The following EML1 variants were observed in gnomAD, a reference collection of about 807,000 sequenced individuals.
EML1 encodes the protein EMAP like 1.
A neutral mutation model predicts 110.4 loss-of-function variants in EML1; 27 were observed. The observed-to-expected ratio is 0.24, with a 90% CI of 0.18 to 0.34. The LOEUF (loss-of-function observed/expected upper bound fraction) is 0.34, where lower values mean the gene tolerates loss of function less well. EML1 is among the 10% of genes least tolerant of loss of function. The pLI, the probability that EML1 is intolerant of heterozygous loss-of-function variation, is 1.00. For synonymous variants in EML1, 344 were observed against 385.8 expected (o/e 0.89, Z 1.27); for missense variants, 741 against 1,030.9 (o/e 0.72, Z 3.85).
intron 11 of EML1, among the ~76,000 whole-genome samples, chr14:99,910,018 G>A (rs2059920638): frequency 6.6e-6 from 1 of 152,032 alleles, no homozygotes; most frequent in Admixed American, 6.6e-5. Flanking sequence ...CAGCCACTTG[G>A]GGTTGCTAGA....
intron 1 of EML1, among the ~76,000 whole-genome samples, chr14:99,812,030 G>A (rs558593046): frequency 3.4e-4 from 51 of 151,886 alleles, no homozygotes; most frequent in African/African-American, 1.0e-3. Flanking sequence ...GTGGATCTGC[G>A]CAGTTGAAAC....
At position 99,878,603 on chromosome 14, in the gene EML1, A is replaced by C; in HGVS notation, c.502A>C (p.Lys168Gln). The stretch of plus-strand genomic sequence containing the variant: ...CTCCACCAGCAGCTCTTCCAGTGGC[A>C]AAAAGAACAGTGAAAGGTAAGGACG... Reference protein sequence around the residue: ...TGSTSSSSSGKKNSESKPKEP... With the variant: ...TGSTSSSSSGQKNSESKPKEP... The change falls in exon 4 of 22, where the codon AAA (lysine) becomes CAA (glutamine). Residue 168 changes from lysine (K) to glutamine (Q), a missense_variant. Physicochemically the swap from Lys to Gln is moderately conservative, Grantham distance 53. Transcript: ENST00000262233. 6.2e-7 allele frequency: 1 copy of C among 1,613,754 alleles called. No homozygotes were observed. The highest frequency in any genetic ancestry group is 8.5e-7 in the Non-Finnish European group (1 of 1,179,868).
At chr14:99,793,241 C>G (rs1053100736), upstream of EML1, 41 of 737,296 alleles carry the variant, frequency 5.6e-5, no homozygotes, top group Non-Finnish European at 5.9e-5. Flanking sequence ...GTCCCCCTCC[C>G]GGCCCGGGCC....
intron 1 of EML1, among the ~76,000 whole-genome samples, chr14:99,749,072 T>A (rs533489109): frequency 5.9e-4 from 90 of 152,306 alleles, no homozygotes; most frequent in Admixed American, 2.4e-3. Context: ...GGACGGGCAT[T>A]TGGGTTATTT....
At chr14:99,747,623 C>A in intron 1 of EML1, among the ~76,000 whole-genome samples, 1 of 152,338 alleles carries the variant, frequency 6.6e-6, no homozygotes, top group East Asian at 1.9e-4. Flanking sequence ...CAGGTCTGCA[C>A]TGCACCAGGG....
At chr14:99,782,986 T>TTATA (rs71464630) in intron 1 of EML1, among the ~76,000 whole-genome samples, 32 of 150,794 alleles carry the variant, frequency 2.1e-4, no homozygotes, top group East Asian at 3.9e-4. Context: ...TCTAAATCGT[T>TTATA]TATATATATA....
chr14:99,857,884 A>G (rs1489651817), intron 2 of EML1, among the ~76,000 whole-genome samples: 1 of 152,114 alleles, frequency 6.6e-6, no homozygotes, highest in Non-Finnish European at 1.5e-5. Flanking sequence ...CCCCATTTAT[A>G]TTTCTATTAT....
intron 1 of EML1, among the ~76,000 whole-genome samples, chr14:99,817,238 G>A (rs902128201): frequency 1.1e-4 from 16 of 152,204 alleles, no homozygotes; most frequent in African/African-American, 3.6e-4. Context: ...TTGTCCATCA[G>A]TTGTTCTTTC....
At chr14:99,922,342 C>T (rs555941523) in intron 17 of EML1, among the ~76,000 whole-genome samples, 7 of 152,274 alleles carry the variant, frequency 4.6e-5, no homozygotes, top group African/African-American at 1.7e-4. Context: ...TCTCAAACTC[C>T]TGACCTCAGG....
intron 1 of EML1, among the ~76,000 whole-genome samples, chr14:99,820,794 G>C (rs2058248368): frequency 6.6e-6 from 1 of 152,052 alleles, no homozygotes; most frequent in Non-Finnish European, 1.5e-5. Context: ...GAACTGAAGT[G>C]CCTCCACTAC....
rs113093008 is a variant in EML1 at position 99,748,186 on chromosome 14, G to A, written c.28+10326G>A. Reference sequence around the variant, plus strand: ...AAGAGCCTGTCACAGGGATGGCATCGCTGCTCTGGGAAAGCCCCTGCCCGC... The same window carrying A: ...AAGAGCCTGTCACAGGGATGGCATCACTGCTCTGGGAAAGCCCCTGCCCGC... On this transcript the variant is annotated intron_variant, in intron 1 of 10. Coordinates refer to the EML1 transcript ENST00000554479. Among the ~76,000 whole-genome samples the A allele has an allele frequency of 1.9e-3, 283 of 152,230 alleles. 2 individuals are homozygous for A. Among genetic ancestry groups the A allele is most frequent in the African/African-American group, 6.5e-3 (272 of 41,558 alleles).
At position 99,742,030 on chromosome 14, in the gene EML1, C is replaced by T. The variant is rs1006381962; in HGVS notation, c.28+4170C>T. ...TGAGTGACCCAGGGCAGCCCTCCTTCGTGTGTGACCTCAGAGAGGTTAAGT... is the reference window on the plus strand; with the variant it reads ...TGAGTGACCCAGGGCAGCCCTCCTTTGTGTGTGACCTCAGAGAGGTTAAGT... On this transcript the variant is annotated intron_variant, in intron 1 of 10. Coordinates refer to the EML1 transcript ENST00000554479. Among the ~76,000 whole-genome samples, 7 of 152,176 alleles carry T rather than the reference C, an allele frequency of 4.6e-5. No individual in the cohort carries two copies. The East Asian group carries it at 5.8e-4, about 13-fold the overall frequency.
intron 1 of EML1, among the ~76,000 whole-genome samples, chr14:99,833,365 T>C (rs776380491): frequency 1.3e-5 from 2 of 152,230 alleles, no homozygotes; most frequent in Non-Finnish European, 2.9e-5. Flanking sequence ...TCTGTTGATC[T>C]GTTTACACCA....
chr14:99,764,043 C>G (rs1213361437), intron 1 of EML1, among the ~76,000 whole-genome samples: 2 of 152,204 alleles, frequency 1.3e-5, no homozygotes, highest in African/African-American at 4.8e-5. Flanking sequence ...GAGGAGGAGA[C>G]AGTTGGCTGC....
In EML1 at chr14:99,939,651, C is replaced by T. The variant is rs576859708; in HGVS notation, c.2322+324C>T. ...CCCTGGGACGCCCTTCTTCATCCTCCGTGATCCTGACCCTGGAGACCCCTC... is the reference window on the plus strand; with the variant it reads ...CCCTGGGACGCCCTTCTTCATCCTCTGTGATCCTGACCCTGGAGACCCCTC... On this transcript the variant is annotated intron_variant, in intron 21 of 21. Coordinates refer to ENST00000262233, the MANE Select transcript of EML1 (RefSeq NM_004434.3). The surrounding 1 kb of genome is among the most constrained non-coding windows in gnomAD (Gnocchi z 4.2). Among the ~76,000 whole-genome samples, 15 of 152,284 alleles carry T rather than the reference C, an allele frequency of 9.9e-5. No individual in the cohort carries two copies. Among genetic ancestry groups the T allele is most frequent in the South Asian group, 4.1e-4 (2 of 4,828 alleles).
chr14:99,818,566 T>C (rs1035393795), intron 1 of EML1, among the ~76,000 whole-genome samples: 2 of 152,188 alleles, frequency 1.3e-5, no homozygotes, highest in Non-Finnish European at 2.9e-5. Context: ...AAGATGACCA[T>C]GCGAACTTCA....
At chr14:99,930,408 C>A (rs563932050) in intron 17 of EML1, among the ~76,000 whole-genome samples, 14 of 152,326 alleles carry the variant, frequency 9.2e-5, no homozygotes, top group African/African-American at 3.4e-4. Context: ...TCCAGGAGTG[C>A]ATGTGGATCA....
chr14:99,853,359 AGGAGGGGCGTGCCCGTG>A (rs1245275319), intron 2 of EML1, among the ~76,000 whole-genome samples: 6 of 152,002 alleles, frequency 3.9e-5, no homozygotes, highest in Admixed American at 1.3e-4. Context: ...AAACAGGGGC[AGGAGGGGCGTGCCCGTG>A]GGAGGGGCAT....
intron 9 of EML1, 123 bp downstream of exon 9, chr14:99,901,162 C>CT (rs1331721384): frequency 6.4e-6 from 5 of 778,764 alleles, no homozygotes; most frequent in Non-Finnish European, 1.1e-5. Flanking sequence ...GATTTGGACT[C>CT]TGAAACATTC....
Sources: allele counts gnomAD v4.1 joint callset (sites outside exome capture counted in the v4.1 genomes callset), GRCh38; gene constraint gnomAD v4.1.1; non-coding constraint Gnocchi (gnomAD v3.1); transcripts MANE v1.5; gene names NCBI Gene and HGNC (gene_info 2026-07-23, HGNC 2026-07-21).